The following ADAMTSL1 variants were observed in gnomAD, a reference collection of about 807,000 sequenced individuals.
ADAMTSL1 encodes ADAMTS like 1, also known as ADAMTS-like protein 1.
Under a neutral mutation model 201.8 loss-of-function variants are expected in ADAMTSL1, and 126 were observed. The observed-to-expected ratio is 0.62, with a 90% confidence interval of 0.54 to 0.72. The LOEUF (loss-of-function observed/expected upper bound fraction) is 0.72. Ranked by LOEUF, ADAMTSL1 falls within the 30% of genes least tolerant of loss-of-function variation. ADAMTSL1 has a pLI of 0.00. For synonymous variants in ADAMTSL1, 1,121 were observed against 903.4 expected, an observed-to-expected ratio of 1.24 and a Z score of -4.32; for missense variants, 2,679 against 2,277.8, an observed-to-expected ratio of 1.18 and a Z score of -3.59.
chr9:18,802,448 A>G (rs534109625), intron 20 of ADAMTSL1, among the ~76,000 whole-genome samples: 125 of 152,302 alleles, frequency 8.2e-4, no homozygotes, highest in Non-Finnish European at 1.4e-3. Context: ...TAATCTTGAT[A>G]TTTTATATAA....
At chr9:18,274,242 C>G (rs74787769) in intron 2 of ADAMTSL1, among the ~76,000 whole-genome samples, 6 of 152,086 alleles carry the variant, frequency 3.9e-5, no homozygotes, top group African/African-American at 9.7e-5. Context: ...TTGATGCATT[C>G]GTAAAAATGT....
At chr9:18,213,509 C>A (rs1829955960) in intron 2 of ADAMTSL1, among the ~76,000 whole-genome samples, 1 of 152,126 alleles carries the variant, frequency 6.6e-6, no homozygotes, top group African/African-American at 2.4e-5. Flanking sequence ...GGTGATTGAG[C>A]CTGGGACTAG....
intron 1 of ADAMTSL1, among the ~76,000 whole-genome samples, chr9:17,973,658 G>C (rs1284293045): frequency 8.8e-6 from 1 of 113,696 alleles, no homozygotes; most frequent in South Asian, 2.9e-4. Context: ...GCTCTTTTTT[G>C]GTTCCATATG....
Position 18,829,788 on chromosome 9 carries a change from C to T in ADAMTSL1, c.4115-55C>T, listed in dbSNP as rs1824858253. On this transcript the variant is annotated intron_variant, in intron 22 of 28. Transcript: ENST00000380548. ...CATGCATACCCACCTCTTCCTCTTGCCTTGACACAGCCCTGTGCTTTAACC... is the reference window on the plus strand; with the variant it reads ...CATGCATACCCACCTCTTCCTCTTGTCTTGACACAGCCCTGTGCTTTAACC... 8 of 1,608,284 alleles carry T rather than the reference C, an allele frequency of 5.0e-6. No individual in the cohort carries two copies. The Admixed American group carries it at 5.0e-5, about 10-fold the overall frequency.
intron 7 of ADAMTSL1, among the ~76,000 whole-genome samples, chr9:18,651,719 G>A (rs1036701349): frequency 7.9e-5 from 12 of 152,088 alleles, no homozygotes; most frequent in African/African-American, 1.4e-4. Flanking sequence ...GAAACTTTGC[G>A]ATTTCTGCTT....
intron 2 of ADAMTSL1, among the ~76,000 whole-genome samples, chr9:18,325,825 C>T (rs1333220912): frequency 6.6e-6 from 1 of 151,990 alleles, no homozygotes; most frequent in Non-Finnish European, 1.5e-5. Context: ...ACTGCAACCT[C>T]CGCCCCCAGG....
At chr9:18,460,713 C>T (rs1820777601) in intron 2 of ADAMTSL1, among the ~76,000 whole-genome samples, 1 of 152,100 alleles carries the variant, frequency 6.6e-6, no homozygotes, top group African/African-American at 2.4e-5. Context: ...CTGAACAGAC[C>T]AATGAAAATA....
At position 18,908,556 on chromosome 9, in the gene ADAMTSL1, G is replaced by A. The variant is rs368433038; in HGVS notation, c.*8G>A. ...ACTTGTGGCAAAGCGTGAAGATAGG[G>A]TGTGGGGAAAAACTCTACCCTGGCC... On this transcript the variant is annotated 3_prime_UTR_variant, in exon 29 of 29. Coordinates refer to ENST00000380548, the MANE Select transcript of ADAMTSL1 (RefSeq NM_001040272.6). The A allele has an allele frequency of 1.9e-6, 3 of 1,555,546 alleles. No individual in the cohort carries two copies. The highest frequency in any genetic ancestry group is 8.7e-7 in the Non-Finnish European group (1 of 1,149,136).
At chr9:18,706,469 A>G (rs1171619767) in intron 13 of ADAMTSL1, among the ~76,000 whole-genome samples, 2 of 152,158 alleles carry the variant, frequency 1.3e-5, no homozygotes, top group East Asian at 3.9e-4. Context: ...TGGAAGAGCT[A>G]CCACTGTGGG....
chr9:18,064,612 A>G (rs1408817599), intron 1 of ADAMTSL1, among the ~76,000 whole-genome samples: 2 of 152,200 alleles, frequency 1.3e-5, no homozygotes, highest in African/African-American at 4.8e-5. Flanking sequence ...GCCCTATAAC[A>G]TAAACCTAAT....
intron 3 of ADAMTSL1, among the ~76,000 whole-genome samples, chr9:18,540,023 T>G (rs1040524721): frequency 3.3e-5 from 5 of 152,066 alleles, no homozygotes; most frequent in African/African-American, 7.2e-5. Flanking sequence ...AATAAAAAAA[T>G]GCATGACATT....
chr9:18,560,027 C>G (rs1179469052), intron 3 of ADAMTSL1, among the ~76,000 whole-genome samples: 1 of 152,020 alleles, frequency 6.6e-6, no homozygotes, highest in Admixed American at 6.6e-5. Flanking sequence ...TTGCCCGGGC[C>G]AGAACTTCCA....
chr9:18,310,777 A>G (rs971776913), intron 2 of ADAMTSL1, among the ~76,000 whole-genome samples: 9 of 152,174 alleles, frequency 5.9e-5, no homozygotes, highest in African/African-American at 1.2e-4. Flanking sequence ...TAGTTCAACC[A>G]TTGTGGAAGG....
intron 1 of ADAMTSL1, among the ~76,000 whole-genome samples, chr9:18,102,798 G>C (rs540439262): frequency 5.3e-5 from 8 of 152,304 alleles, no homozygotes; most frequent in African/African-American, 1.9e-4. Context: ...GGCAGGTAAA[G>C]GAATTTGTAC....
At chr9:18,764,196 T>C (rs940218595) in intron 16 of ADAMTSL1, among the ~76,000 whole-genome samples, 3 of 152,220 alleles carry the variant, frequency 2.0e-5, no homozygotes, top group Admixed American at 6.5e-5. Context: ...CTTTTCATTA[T>C]AGGGATATTT....
intron 1 of ADAMTSL1, among the ~76,000 whole-genome samples, chr9:17,935,106 A>T (rs1408639859): frequency 2.0e-5 from 3 of 151,978 alleles, no homozygotes; most frequent in Admixed American, 1.3e-4. Context: ...CTGTTTTTTC[A>T]AGGCCATCAG....
At position 18,545,587 on chromosome 9, in the gene ADAMTSL1, C is replaced by G. The variant is rs74449307; in HGVS notation, c.237+12295C>G. ...TTAAATACAGCAGAAAAAGCAAATC[C>G]AAGAATCCTTGCTGAAAACATCTCT... On this transcript the variant is annotated intron_variant, in intron 3 of 28. Coordinates refer to ENST00000380548, the MANE Select transcript of ADAMTSL1 (RefSeq NM_001040272.6). 4.8e-3 allele frequency among the ~76,000 whole-genome samples: 737 copies of G among 152,106 alleles called. 10 individuals carry two copies. The highest frequency in any genetic ancestry group is 0.017 in the African/African-American group (703 of 41,510).
intron 1 of ADAMTSL1, among the ~76,000 whole-genome samples, chr9:18,124,051 G>A (rs565823249): frequency 5.9e-5 from 8 of 135,370 alleles, no homozygotes; most frequent in African/African-American, 2.2e-4. Context: ...ATGATGTTGA[G>A]TATCTTTTTA....
At chr9:18,470,590 T>C (rs1435552395), upstream of ADAMTSL1, among the ~76,000 whole-genome samples, 3 of 152,150 alleles carry the variant, frequency 2.0e-5, no homozygotes, top group Non-Finnish European at 4.4e-5. Context: ...GTGTCCCCTA[T>C]ACACTGGTTT....
Sources: gnomAD v4.1 joint callset for allele counts (sites outside exome capture counted in the v4.1 genomes callset) on GRCh38, gnomAD v4.1.1 for gene constraint, MANE v1.5 for transcripts, NCBI Gene and HGNC (gene_info 2026-07-23, HGNC 2026-07-21) for gene names.